Variants in GPAT3 observed in about 807,000 individuals in gnomAD.
GPAT3 encodes the protein 1-AGP acyltransferase 9.
A neutral mutation model predicts 58.8 loss-of-function variants in GPAT3; 53 were observed. That is an observed-to-expected ratio of 0.90 (90% CI 0.72 to 1.13). The LOEUF (loss-of-function observed/expected upper bound fraction) is 1.13, where lower values mean the gene tolerates loss of function less well. Among genes scored for constraint, GPAT3 ranks in the 50% most tolerant of loss-of-function variants. The pLI is 0.00. For synonymous variants in GPAT3, 197 were observed against 187.4 expected (o/e 1.05, Z -0.42); for missense variants, 511 against 527.6 (o/e 0.97, Z 0.31).
intron 2 of GPAT3, among the ~76,000 whole-genome samples, chr4:83,546,137 A>G (rs1457292129): frequency 1.3e-5 from 2 of 152,212 alleles, no homozygotes; most frequent in East Asian, 3.9e-4. Flanking sequence ...GGCGTGCGCC[A>G]CCATGCCTGG....
chr4:83,551,533 C>T (rs1724750087), intron 2 of GPAT3, among the ~76,000 whole-genome samples: 1 of 151,918 alleles, frequency 6.6e-6, no homozygotes, highest in South Asian at 2.1e-4. Flanking sequence ...GTGGCTCATG[C>T]CTGTAATCCC....
intron 8 of GPAT3, among the ~76,000 whole-genome samples, 199 bp from the exon 9 acceptor site, chr4:83,597,231 G>T (rs751453094): frequency 2.6e-5 from 4 of 152,168 alleles, no homozygotes; most frequent in Non-Finnish European, 2.9e-5. Context: ...CAGTAGAAAA[G>T]TAAAAGCTTG....
rs186876711 is a variant in GPAT3, at chr4:83,565,213, G to T, written c.209-16349G>T. Among the ~76,000 whole-genome samples the T allele has an allele frequency of 2.0e-3, 303 of 151,996 alleles. 1 individual carries two copies. The highest frequency in any genetic ancestry group is 6.9e-3 in the African/African-American group (284 of 41,450). On this transcript the variant is annotated intron_variant, in intron 2 of 11. Coordinates refer to ENST00000264409, the MANE Select transcript of GPAT3 (RefSeq NM_032717.5). ...CCTCCTGGGTTCAAGTGATTCTCCTGCCTCAGCCTCCCAAGTAGCTGGGAT... is the reference window on the plus strand; with the variant it reads ...CCTCCTGGGTTCAAGTGATTCTCCTTCCTCAGCCTCCCAAGTAGCTGGGAT...
chr4:83,551,568 C>T (rs1024858060), intron 2 of GPAT3, among the ~76,000 whole-genome samples: 2 of 151,718 alleles, frequency 1.3e-5, no homozygotes, highest in African/African-American at 2.4e-5. Flanking sequence ...CTGAGGCGGG[C>T]GGATCACGAG....
intron 2 of GPAT3, among the ~76,000 whole-genome samples, chr4:83,546,379 GT>G (rs373055285): frequency 0.059 from 7,963 of 136,046 alleles, 220 homozygotes; most frequent in African/African-American, 0.078. Context: ...CGTGGATTTA[GT>G]TTTTTTTTTT....
chr4:83,597,564 A>T, intron 9 of GPAT3, 49 bp downstream of exon 9: 1 of 1,278,788 alleles, frequency 7.8e-7, no homozygotes, highest in South Asian at 1.7e-5. Flanking sequence ...AAGATATTGG[A>T]TTGGTAATTT....
At chr4:83,581,258 G>C (rs538178157) in intron 2 of GPAT3, among the ~76,000 whole-genome samples, 1 of 152,052 alleles carries the variant, frequency 6.6e-6, no homozygotes, top group African/African-American at 2.4e-5. Flanking sequence ...GTGTGTGTGT[G>C]TGTGTGAGTT....
intron 2 of GPAT3, among the ~76,000 whole-genome samples, chr4:83,551,098 T>G (rs1218359188): frequency 6.6e-6 from 1 of 152,214 alleles, no homozygotes; most frequent in Non-Finnish European, 1.5e-5. Context: ...AAATATCAAA[T>G]GTACCCAGAG....
chr4:83,535,686 C>G, upstream of GPAT3: 2 of 984,890 alleles, frequency 2.0e-6, no homozygotes, highest in Non-Finnish European at 2.4e-6. Flanking sequence ...GTGGAGAGAG[C>G]TTCCTACTCT....
At chr4:83,563,959 AT>A (rs1317874448) in intron 2 of GPAT3, among the ~76,000 whole-genome samples, 1 of 152,204 alleles carries the variant, frequency 6.6e-6, no homozygotes, top group Non-Finnish European at 1.5e-5. Flanking sequence ...AAATAGTTCA[AT>A]TTACCTGTGG....
chr4:83,575,006 A>G (rs1485272910), intron 2 of GPAT3, among the ~76,000 whole-genome samples: 1 of 150,176 alleles, frequency 6.7e-6, no homozygotes, highest in East Asian at 2.0e-4. Context: ...CCTCCCAAGT[A>G]GCTGGGACTA....
chr4:83,548,015 G>A (rs756521055), intron 2 of GPAT3, among the ~76,000 whole-genome samples: 9 of 152,024 alleles, frequency 5.9e-5, no homozygotes, highest in Admixed American at 3.9e-4. Flanking sequence ...TTTCCTCATT[G>A]TTAACACAAA....
At chr4:83,539,015 T>C (rs1001151821) in intron 1 of GPAT3, among the ~76,000 whole-genome samples, 1 of 152,206 alleles carries the variant, frequency 6.6e-6, no homozygotes, top group African/African-American at 2.4e-5. Context: ...GCATCTGAGC[T>C]CATCAGGAAA....
chr4:83,560,814 G>A (rs763465688), intron 2 of GPAT3, among the ~76,000 whole-genome samples: 16 of 152,092 alleles, frequency 1.1e-4, no homozygotes, highest in East Asian at 5.8e-4. Flanking sequence ...TTATTTAAGC[G>A]TGTGGTACCT....
At chr4:83,579,566 ACAGGCATAAGC>A (rs539929898) in intron 2 of GPAT3, among the ~76,000 whole-genome samples, 149 of 152,194 alleles carry the variant, frequency 9.8e-4, no homozygotes, top group Admixed American at 3.2e-3. Context: ...TGTTGGAATT[ACAGGCATAAGC>A]CCCCATGCCA....
chr4:83,546,197 C>T (rs1443175598), intron 2 of GPAT3, among the ~76,000 whole-genome samples: 2 of 152,192 alleles, frequency 1.3e-5, no homozygotes, highest in East Asian at 3.9e-4. Flanking sequence ...GTTGGCCAGG[C>T]TGGTCTCAAA....
intron 1 of GPAT3, among the ~76,000 whole-genome samples, chr4:83,539,650 A>G (rs1256840919): frequency 6.6e-6 from 1 of 152,008 alleles, no homozygotes; most frequent in Non-Finnish European, 1.5e-5. Flanking sequence ...ACCTACTTCT[A>G]TTTTCTTCTG....
intron 2 of GPAT3, among the ~76,000 whole-genome samples, chr4:83,575,769 G>A (rs1158777771): frequency 6.6e-6 from 1 of 152,190 alleles, no homozygotes; most frequent in Non-Finnish European, 1.5e-5. Flanking sequence ...TAATATTAGA[G>A]CACTCATAGT....
At position 83,579,110 on chromosome 4, in the gene GPAT3, CCTTCCTTCCTTCCTTCCTTT is replaced by C. The variant is rs1726002758; in HGVS notation, c.209-2448_209-2429del. Among the ~76,000 whole-genome samples the C allele has an allele frequency of 6.0e-5, 7 of 117,172 alleles. 1 individual carries two copies. The highest frequency in any genetic ancestry group is 3.3e-4 in the South Asian group (1 of 3,042). The allele number at this position is 117,172 out of a possible 152,430, so 76.9% of individuals were successfully genotyped here. Reference sequence around the variant, plus strand: ...TCCTTCCTTCCTTCCTTCCTTCCTTCCTTCCTTCCTTCCTTCCTTTCTTTCTCCCTCCCTCCCTCTCTCTC... The same window carrying C: ...TCCTTCCTTCCTTCCTTCCTTCCTTCCTTTCTCCCTCCCTCCCTCTCTCTC... On this transcript the variant is annotated intron_variant, in intron 2 of 11. Coordinates refer to ENST00000264409, the MANE Select transcript of GPAT3 (RefSeq NM_032717.5).
Sources: allele counts gnomAD v4.1 joint callset (sites outside exome capture counted in the v4.1 genomes callset), GRCh38; gene constraint gnomAD v4.1.1; transcripts MANE v1.5; gene names NCBI Gene and HGNC (gene_info 2026-07-23, HGNC 2026-07-21).